Variants in PARD6B observed in about 807,000 individuals in gnomAD.
PARD6B encodes the protein par-6 family cell polarity regulator beta.
In PARD6B, 4 loss-of-function variants were observed where a neutral mutation model predicts 10.5. The observed-to-expected ratio is 0.38, with a 90% CI of 0.19 to 0.87. The LOEUF (loss-of-function observed/expected upper bound fraction) is 0.87. Ranked by LOEUF, PARD6B falls within the 40% of genes least tolerant of loss-of-function variation. PARD6B has a pLI of 0.41. For missense variants in PARD6B, 396 were observed against 470.6 expected, an observed-to-expected ratio of 0.84 and a Z score of 1.47; for synonymous variants, 169 against 170.4, an observed-to-expected ratio of 0.99 and a Z score of 0.07.
Position 50,752,284 on chromosome 20 carries a change from A to G in PARD6B, c.*1796A>G, listed in dbSNP as rs1005368813. The G allele has an allele frequency of 4.1e-6, 4 of 985,662 alleles. No individual in the cohort carries two copies. Among genetic ancestry groups the G allele is most frequent in the Non-Finnish European group, 4.8e-6 (4 of 829,924 alleles). The allele number at this position is 985,662 out of a possible 1,614,324, so 61.1% of individuals were successfully genotyped here. On this transcript the variant is annotated 3_prime_UTR_variant, in exon 3 of 3. Transcript: ENST00000371610. ...TCATTTTGGATAAAAAATACATCCAAATTAAGATGTTTTAACACATAGGAC... is the reference window on the plus strand; with the variant it reads ...TCATTTTGGATAAAAAATACATCCAGATTAAGATGTTTTAACACATAGGAC...
chr20:50,753,445 G>A lies in PARD6B; in HGVS notation c.*2957G>A, dbSNP rs1197265384. Reference sequence around the variant, plus strand: ...AACATAAAATTTTATAGTACTAAATGTCAAGCCTAACTGTGAATTTTGTTC... The same window carrying A: ...AACATAAAATTTTATAGTACTAAATATCAAGCCTAACTGTGAATTTTGTTC... On this transcript the variant is annotated 3_prime_UTR_variant, in exon 3 of 3. Transcript: ENST00000371610. 5 of 982,284 alleles carry A rather than the reference G, an allele frequency of 5.1e-6. No individual in the cohort carries two copies. The African/African-American group carries it at 8.8e-5, about 17-fold the overall frequency. The allele number at this position is 982,284 out of a possible 1,614,324, so 60.8% of individuals were successfully genotyped here.
intron 1 of PARD6B, among the ~76,000 whole-genome samples, chr20:50,736,100 A>G (rs2087498106): frequency 6.6e-6 from 1 of 152,198 alleles, no homozygotes; most frequent in Admixed American, 6.5e-5. Flanking sequence ...TGTTTCAGGA[A>G]TGTGTTTTGG....
intron 2 of PARD6B, among the ~76,000 whole-genome samples, chr20:50,747,604 ATTGTAGTTATTT>A (rs2087576209): frequency 7.1e-6 from 1 of 140,542 alleles, no homozygotes; most frequent in African/African-American, 2.7e-5. Context: ...GTTTATCCTC[ATTGTAGTTATTT>A]TTGAAAATAC....
In PARD6B at chr20:50,752,002, ATCTTT is replaced by A; in HGVS notation, c.*1519_*1523del. 5.1e-6 allele frequency: 5 copies of A among 985,364 alleles called. No homozygotes were observed. The highest frequency in any genetic ancestry group is 6.0e-6 in the Non-Finnish European group (5 of 829,918). The allele number at this position is 985,364 out of a possible 1,614,324, so 61.0% of individuals were successfully genotyped here. Reference sequence around the variant, plus strand: ...GGCATGAGCGCCTAGCCAGGAAGCTATCTTTTCTTGAGTTATGAAACTTTGCAACA... The same window carrying A: ...GGCATGAGCGCCTAGCCAGGAAGCTATCTTGAGTTATGAAACTTTGCAACA... On this transcript the variant is annotated 3_prime_UTR_variant, in exon 3 of 3. Transcript: ENST00000371610.
chr20:50,744,145 G>C lies in PARD6B; in HGVS notation c.290-5514G>C, dbSNP rs190293953. ...TTTTTTTTTTCTGAGAAGCAGTCTCGCTCTTGTTGCCCAGGCTGGAGTGCA... is the reference window on the plus strand; with the variant it reads ...TTTTTTTTTTCTGAGAAGCAGTCTCCCTCTTGTTGCCCAGGCTGGAGTGCA... On this transcript the variant is annotated intron_variant, in intron 2 of 2. Transcript: ENST00000371610. 2.7e-3 allele frequency among the ~76,000 whole-genome samples: 307 copies of C among 112,378 alleles called. 1 individual carries two copies. Among genetic ancestry groups the C allele is most frequent in the African/African-American group, 0.01 (298 of 29,108 alleles). 73.7% of individuals were successfully genotyped at this position (112,378 alleles called of 152,430 possible). A position where few individuals can be genotyped will look rare whatever the true frequency, so the allele number is the denominator to read the frequency against.
rs2123709760 is a variant in PARD6B, at chr20:50,751,129, C to G, written c.*641C>G. The G allele has an allele frequency of 1.8e-6, 1 of 554,294 alleles. No homozygotes were observed. The highest frequency in any genetic ancestry group is 6.4e-5 in the Admixed American group (1 of 15,590). The allele number at this position is 554,294 out of a possible 1,614,324, so 34.3% of individuals were successfully genotyped here. A position where few individuals can be genotyped will look rare whatever the true frequency, so the allele number is the denominator to read the frequency against. ...GGACCATAGGCACATACCACCACAT[C>G]TGTCTACTTTTTGTATTTTTTGTAG... On this transcript the variant is annotated 3_prime_UTR_variant, in exon 3 of 3. Coordinates refer to ENST00000371610, the MANE Select transcript of PARD6B (RefSeq NM_032521.3).
intron 2 of PARD6B, among the ~76,000 whole-genome samples, chr20:50,748,399 C>T (rs2087581072): frequency 6.6e-6 from 1 of 152,188 alleles, no homozygotes. Flanking sequence ...TACCAAAATT[C>T]CGAAGTGTTT....
At position 50,753,409 on chromosome 20, in the gene PARD6B, T is replaced by C; in HGVS notation, c.*2921T>C. ...CAAGTGCACCTTATTAACAAAAGTA[T>C]CAGTGGATCCAACATAAAATTTTAT... On this transcript the variant is annotated 3_prime_UTR_variant, in exon 3 of 3. Transcript: ENST00000371610. 1.0e-6 allele frequency: 1 copy of C among 983,862 alleles called. No homozygotes were observed. Among genetic ancestry groups the C allele is most frequent in the Non-Finnish European group, 1.2e-6 (1 of 828,128 alleles). 60.9% of individuals were successfully genotyped at this position (983,862 alleles called of 1,614,324 possible). A position where few individuals can be genotyped will look rare whatever the true frequency, so the allele number is the denominator to read the frequency against.
rs1374860377 is a variant in PARD6B, at chr20:50,750,932, A to G, written c.*444A>G. ...GGGGACCTCAGCTCTTAAAGGTCTC[A>G]TGTTCCCAATATTTTATTTTGATTT... On this transcript the variant is annotated 3_prime_UTR_variant, in exon 3 of 3. Coordinates refer to ENST00000371610, the MANE Select transcript of PARD6B (RefSeq NM_032521.3). 1.1e-5 allele frequency: 9 copies of G among 795,310 alleles called. No homozygotes were observed. The highest frequency in any genetic ancestry group is 1.3e-5 in the Non-Finnish European group (9 of 674,146). The allele number at this position is 795,310 out of a possible 1,614,324, so 49.3% of individuals were successfully genotyped here. A position where few individuals can be genotyped will look rare whatever the true frequency, so the allele number is the denominator to read the frequency against.
intron 2 of PARD6B, among the ~76,000 whole-genome samples, chr20:50,748,625 G>A (rs1201866693): frequency 6.6e-6 from 1 of 152,098 alleles, no homozygotes; most frequent in East Asian, 1.9e-4. Context: ...ATCCTGGAGT[G>A]AAGCCATCCT....
At chr20:50,735,081 C>G (rs1158318626) in intron 1 of PARD6B, among the ~76,000 whole-genome samples, 1 of 151,992 alleles carries the variant, frequency 6.6e-6, no homozygotes, top group Non-Finnish European at 1.5e-5. Flanking sequence ...ACCTGGGAGG[C>G]GGAGGTTGCA....
Position 50,751,280 on chromosome 20 carries a change from T to A in PARD6B, c.*792T>A, listed in dbSNP as rs113583294. ...CAGCCTATTTTGATTTTTGTTTTTT[T>A]ATGTTCCTTTCTAATAAATTGTAAC... is the stretch of plus-strand genomic sequence containing the variant. On this transcript the variant is annotated 3_prime_UTR_variant, in exon 3 of 3. Coordinates refer to ENST00000371610, the MANE Select transcript of PARD6B (RefSeq NM_032521.3). 1.1e-5 allele frequency: 11 copies of A among 968,486 alleles called. No individual in the cohort carries two copies. The highest frequency in any genetic ancestry group is 1.3e-5 in the Non-Finnish European group (11 of 816,538). 60.0% of individuals were successfully genotyped at this position (968,486 alleles called of 1,614,324 possible).
chr20:50,750,067 A>T lies in PARD6B; in HGVS notation c.698A>T (p.Asp233Val). ...GGGAAGAGCCTTGATCAAGTAACAG[A>T]CATGATGATTGCAAATAGCCGTAAC... ...VSGKSLDQVT[D>V]MMIANSRNLI... The change falls in exon 3 of 3, where the codon GAC becomes GTC. Residue 233 changes from aspartate to valine, a missense_variant. Transcript: ENST00000371610. 6.2e-7 allele frequency: 1 copy of T among 1,614,240 alleles called. No individual in the cohort carries two copies.
At chr20:50,748,212 G>T in intron 2 of PARD6B, among the ~76,000 whole-genome samples, 1 of 152,174 alleles carries the variant, frequency 6.6e-6, no homozygotes, top group Non-Finnish European at 1.5e-5. Flanking sequence ...GCATAGTGGC[G>T]CATGCCTGTA....
chr20:50,736,545 G>T (rs988729356), intron 1 of PARD6B, among the ~76,000 whole-genome samples: 14 of 152,088 alleles, frequency 9.2e-5, no homozygotes, highest in African/African-American at 3.1e-4. Context: ...ATTATGTAGC[G>T]TTTCTCAAAC....
chr20:50,741,758 G>T (rs2087531960), intron 2 of PARD6B, among the ~76,000 whole-genome samples: 1 of 151,912 alleles, frequency 6.6e-6, no homozygotes, highest in Non-Finnish European at 1.5e-5. Context: ...GTGTTAGCCA[G>T]GATGGTCTCG....
intron 1 of PARD6B, among the ~76,000 whole-genome samples, 160 bp downstream of exon 1, chr20:50,732,012 G>T (rs936005155): frequency 6.6e-6 from 1 of 152,192 alleles, no homozygotes; most frequent in African/African-American, 2.4e-5. Context: ...TGCCGAGGAG[G>T]GGGTGGCGGG....
Position 50,743,296 on chromosome 20 carries a change from G to A in PARD6B, c.289+5217G>A, listed in dbSNP as rs74414308. 8.0e-3 allele frequency among the ~76,000 whole-genome samples: 1,217 copies of A among 152,220 alleles called. 13 individuals are homozygous for A. Among genetic ancestry groups the A allele is most frequent in the African/African-American group, 0.026 (1,074 of 41,518 alleles). On this transcript the variant is annotated intron_variant, in intron 2 of 2. Transcript: ENST00000371610. ...CATCCAGACTTCTTGCTATAACACC[G>A]TCTGTTTTTGATTGACACCAGACAC...
At chr20:50,747,346 G>A (rs953500297) in intron 2 of PARD6B, among the ~76,000 whole-genome samples, 12 of 152,224 alleles carry the variant, frequency 7.9e-5, no homozygotes, top group African/African-American at 1.9e-4. Context: ...GAGTTGAAGC[G>A]CTATACAAAC....
Sources: allele counts gnomAD v4.1 joint callset (sites outside exome capture counted in the v4.1 genomes callset), GRCh38; gene constraint gnomAD v4.1.1; transcripts MANE v1.5; gene names NCBI Gene and HGNC (gene_info 2026-07-23, HGNC 2026-07-21).